ADAMTS6: variants seen among roughly 807,000 people sequenced by gnomAD.
ADAMTS6 encodes the protein A disintegrin and metalloproteinase with thrombospondin motifs 6.
In ADAMTS6, 23 loss-of-function variants were observed where a neutral mutation model predicts 144.3. The observed-to-expected ratio is 0.16, with a 90% confidence interval of 0.11 to 0.23. ADAMTS6 has a LOEUF of 0.23. ADAMTS6 is among the 10% of genes least tolerant of loss of function. The pLI is 1.00. For missense variants in ADAMTS6, 999 were observed against 1,379.6 expected, an observed-to-expected ratio of 0.72 and a Z score of 4.37; for synonymous variants, 444 against 457.5, an observed-to-expected ratio of 0.97 and a Z score of 0.38.
intron 15 of ADAMTS6, 119 bp from the exon 16 acceptor site, chr5:65,226,338 ATTGTGTAGG>A (rs1757723162): frequency 1.9e-6 from 2 of 1,028,188 alleles, no homozygotes; most frequent in South Asian, 6.2e-5. Flanking sequence ...TATATGCCTG[ATTGTGTAGG>A]TTTCTTTCCC....
intron 7 of ADAMTS6, among the ~76,000 whole-genome samples, chr5:65,387,634 TG>T (rs1428937626): frequency 1.3e-5 from 2 of 152,186 alleles, no homozygotes; most frequent in Non-Finnish European, 2.9e-5. Context: ...GTGACATTTA[TG>T]GTCACAGAGC....
At chr5:65,369,134 C>A (rs1158843497) in intron 7 of ADAMTS6, among the ~76,000 whole-genome samples, 1 of 152,108 alleles carries the variant, frequency 6.6e-6, no homozygotes, top group East Asian at 1.9e-4. Flanking sequence ...TTGGGAGGAT[C>A]CCTTGATCCC....
chr5:65,300,694 C>T (rs939509878), intron 9 of ADAMTS6, among the ~76,000 whole-genome samples: 41 of 151,722 alleles, frequency 2.7e-4, no homozygotes, highest in Admixed American at 2.0e-3. Context: ...TGCAGTGGCG[C>T]GAACTCGGCT....
At chr5:65,312,873 A>G (rs1744634217) in intron 9 of ADAMTS6, among the ~76,000 whole-genome samples, 1 of 151,954 alleles carries the variant, frequency 6.6e-6, no homozygotes, top group Non-Finnish European at 1.5e-5. Flanking sequence ...GGGGGTATAT[A>G]TAATAGTCAT....
intron 7 of ADAMTS6, among the ~76,000 whole-genome samples, chr5:65,353,488 C>G (rs1749045569): frequency 6.6e-6 from 1 of 151,924 alleles, no homozygotes; most frequent in African/African-American, 2.4e-5. Context: ...TGTGAAGATT[C>G]TTGTCCCTAA....
intron 20 of ADAMTS6, among the ~76,000 whole-genome samples, chr5:65,212,882 AT>A (rs1756636617): frequency 6.6e-6 from 1 of 152,216 alleles, no homozygotes; most frequent in East Asian, 1.9e-4. Flanking sequence ...TATTTAAATT[AT>A]TCTTTAATAA....
chr5:65,403,280 C>T (rs1431364443), intron 7 of ADAMTS6, among the ~76,000 whole-genome samples: 1 of 152,096 alleles, frequency 6.6e-6, no homozygotes, highest in African/African-American at 2.4e-5. Flanking sequence ...CAGACTCCAC[C>T]TTTGAAACAC....
At chr5:65,450,748 CTAAG>C (rs1334095496) in intron 7 of ADAMTS6, among the ~76,000 whole-genome samples, 2 of 152,080 alleles carry the variant, frequency 1.3e-5, no homozygotes, top group Admixed American at 1.3e-4. Flanking sequence ...CACTTATTAG[CTAAG>C]TAATCTTGAG....
intron 14 of ADAMTS6, among the ~76,000 whole-genome samples, chr5:65,245,539 A>G (rs1424740380): frequency 1.3e-5 from 2 of 152,196 alleles, no homozygotes; most frequent in Non-Finnish European, 2.9e-5. Flanking sequence ...AATTTCCTGC[A>G]TTAAATTCCC....
intron 7 of ADAMTS6, among the ~76,000 whole-genome samples, chr5:65,366,442 C>T (rs1051309047): frequency 6.6e-6 from 1 of 152,104 alleles, no homozygotes. Flanking sequence ...TATTTGAATC[C>T]AACCAAGACC....
At chr5:65,468,693 A>G (rs1277292390) in intron 3 of ADAMTS6, among the ~76,000 whole-genome samples, 1 of 152,206 alleles carries the variant, frequency 6.6e-6, no homozygotes, top group African/African-American at 2.4e-5. Context: ...AAGAGACAGA[A>G]AGTCTCAATA....
chr5:65,224,475 T>C (rs867868157), intron 17 of ADAMTS6, 75 bp from the exon 18 acceptor site: 1 of 1,222,376 alleles, frequency 8.2e-7, no homozygotes, highest in East Asian at 2.3e-5. Flanking sequence ...TCAATAGTAA[T>C]AGTTTCCTTA....
At chr5:65,303,613 T>C (rs1743645820) in intron 9 of ADAMTS6, among the ~76,000 whole-genome samples, 1 of 151,842 alleles carries the variant, frequency 6.6e-6, no homozygotes, top group Non-Finnish European at 1.5e-5. Context: ...TGTAGAGATA[T>C]ATAATACAGT....
chr5:65,443,786 A>C lies in ADAMTS6; in HGVS notation c.1073+7689T>G, dbSNP rs142771999. Among the ~76,000 whole-genome samples, 971 of 152,022 alleles carry C rather than the reference A, an allele frequency of 6.4e-3. 5 individuals are homozygous for C. Among genetic ancestry groups the C allele is most frequent in the African/African-American group, 0.021 (856 of 41,492 alleles). ...ACCCATTCCTGATTTAAAAAAAAAA[A>C]AAACTCTCAGCAAACTATGAACACA... On this transcript the variant is annotated intron_variant, in intron 7 of 24. Transcript: ENST00000381055.
intron 15 of ADAMTS6, among the ~76,000 whole-genome samples, chr5:65,239,144 C>CAT (rs1237289763): frequency 1.3e-5 from 2 of 151,626 alleles, no homozygotes; most frequent in East Asian, 1.9e-4. Context: ...GGAGAGATAG[C>CAT]ATTAGGAGAT....
intron 4 of ADAMTS6, among the ~76,000 whole-genome samples, chr5:65,457,587 T>G (rs964381770): frequency 6.6e-6 from 1 of 152,100 alleles, no homozygotes; most frequent in African/African-American, 2.4e-5. Context: ...GATTAAGAGA[T>G]AAGCTTTTCA....
At chr5:65,329,685 C>T (rs2307121) in intron 8 of ADAMTS6, among the ~76,000 whole-genome samples, 41,397 of 152,018 alleles carry the variant, frequency 0.27, 6,524 homozygotes, top group South Asian at 0.39. Flanking sequence ...TTTTGAACTG[C>T]AGTCAGTGCT....
intron 7 of ADAMTS6, among the ~76,000 whole-genome samples, chr5:65,450,882 G>A (rs755963400): frequency 1.3e-4 from 20 of 152,076 alleles, no homozygotes; most frequent in Non-Finnish European, 2.9e-4. Context: ...AAACTGGAAA[G>A]CAATATAAGA....
rs747650563 is a variant in ADAMTS6 at position 65,473,629 on chromosome 5, G to C, written c.45C>G (p.Ile15Met). 5.0e-6 allele frequency: 8 copies of C among 1,613,828 alleles called. No homozygotes were observed. Among genetic ancestry groups the C allele is most frequent in the Non-Finnish European group, 5.9e-6 (7 of 1,179,766 alleles). ...WKTLTWILSL[I>M]MASSEFHSDH... is the part of the protein sequence containing the mutation. ...CACTATGAAATTCCGATGAAGCCAT[G>C]ATGAGGCTCAAAATCCAGGTCAACG... The change falls in exon 2 of 25, where the codon ATC becomes ATG. Residue 15 changes from isoleucine to methionine, a missense_variant. Ile to Met is a conservative substitution (Grantham distance 10). Around this residue, in one of 3 missense-constraint regions of ADAMTS6, gnomAD observed 252 missense variants for 293.7 expected, o/e 0.86. Coordinates refer to ENST00000381055, the MANE Select transcript of ADAMTS6 (RefSeq NM_197941.4).
Sources: allele counts gnomAD v4.1 joint callset (sites outside exome capture counted in the v4.1 genomes callset), GRCh38; gene constraint gnomAD v4.1.1; regional missense constraint gnomAD v4.1.1; transcripts MANE v1.5; gene names NCBI Gene and HGNC (gene_info 2026-07-23, HGNC 2026-07-21).